The following MRPS7 variants were observed in gnomAD, a reference collection of about 807,000 sequenced individuals.
MRPS7 encodes the protein small ribosomal subunit protein uS7m.
In MRPS7, 13 loss-of-function variants were observed where a neutral mutation model predicts 26.2. That is an observed-to-expected ratio of 0.50 (90% CI 0.32 to 0.79). The LOEUF is 0.79. MRPS7 is among the 30% of genes least tolerant of loss of function. The pLI, the probability that MRPS7 is intolerant of heterozygous loss-of-function variation, is 0.03. For synonymous variants in MRPS7, 129 were observed against 113.3 expected (o/e 1.14, Z -0.88); for missense variants, 318 against 312.2 (o/e 1.02, Z -0.14).
intron 3 of MRPS7, 43 bp downstream of exon 3, chr17:75,262,910 A>ACC: frequency 6.3e-7 from 1 of 1,582,272 alleles, no homozygotes; most frequent in Non-Finnish European, 8.7e-7. Context: ...TTGCCCCCCT[A>ACC]CCCCGTAGCC....
At chr17:75,262,444 T>A in intron 1 of MRPS7, 53 bp from the exon 2 acceptor site, 1 of 1,583,378 alleles carries the variant, frequency 6.3e-7, no homozygotes, top group Non-Finnish European at 8.6e-7. Flanking sequence ...AAGTCAAACC[T>A]ACTCGCTTGT....
chr17:75,265,230 G>A (rs1043580271), intron 4 of MRPS7, among the ~76,000 whole-genome samples: 1 of 152,020 alleles, frequency 6.6e-6, no homozygotes, highest in African/African-American at 2.4e-5. Context: ...TAGAGACGAG[G>A]TTTCACCACA....
chr17:75,263,301 G>A (rs755765231), intron 3 of MRPS7, 39 bp from the exon 4 acceptor site: 7 of 1,612,050 alleles, frequency 4.3e-6, no homozygotes, highest in Non-Finnish European at 5.9e-6. Context: ...AACCCTTTAG[G>A]GAGCCTGGGG....
intron 1 of MRPS7, 118 bp downstream of exon 1, chr17:75,262,101 G>A: frequency 1.6e-6 from 2 of 1,240,180 alleles, no homozygotes; most frequent in Non-Finnish European, 2.3e-6. Context: ...CTGGATTCAA[G>A]CTTCTAAGTT....
At chr17:75,263,295 C>G (rs2077437652) in intron 3 of MRPS7, 45 bp from the exon 4 acceptor site, 1 of 1,610,972 alleles carries the variant, frequency 6.2e-7, no homozygotes, top group Non-Finnish European at 8.5e-7. Context: ...TGGGTAAACC[C>G]TTTAGGGAGC....
intron 4 of MRPS7, among the ~76,000 whole-genome samples, chr17:75,265,492 G>C (rs1404823332): frequency 1.3e-5 from 2 of 152,174 alleles, no homozygotes; most frequent in African/African-American, 4.8e-5. Flanking sequence ...TGCTTAATTA[G>C]TATTTGCTGA....
intron 4 of MRPS7, chr17:75,264,335 C>T (rs1255590538): frequency 1.3e-5 from 2 of 152,188 alleles, no homozygotes; most frequent in African/African-American, 2.4e-5. Context: ...CCTGTGTGTC[C>T]TAACCTGTAA....
Position 75,265,995 on chromosome 17 carries a change from T to C in MRPS7, c.*72T>C. ...AGCTACTGCCACGCTGAAAACTACCTGTGGGTTAAGGATGTAGTTCCTTTG... is the reference window on the plus strand; with the variant it reads ...AGCTACTGCCACGCTGAAAACTACCCGTGGGTTAAGGATGTAGTTCCTTTG... On this transcript the variant is annotated 3_prime_UTR_variant, in exon 5 of 5. Coordinates refer to ENST00000245539, the MANE Select transcript of MRPS7 (RefSeq NM_015971.4). 7.0e-7 allele frequency: 1 copy of C among 1,432,620 alleles called. No homozygotes were observed. Among genetic ancestry groups the C allele is most frequent in the Admixed American group, 1.8e-5 (1 of 55,080 alleles). 88.7% of individuals were successfully genotyped at this position (1,432,620 alleles called of 1,614,324 possible).
chr17:75,265,244 G>A (rs1479969911), intron 4 of MRPS7, among the ~76,000 whole-genome samples: 1 of 151,910 alleles, frequency 6.6e-6, no homozygotes, highest in African/African-American at 2.4e-5. Context: ...CACCACATTG[G>A]CCAGGCTGGT....
At chr17:75,265,290 A>G (rs1051987799) in intron 4 of MRPS7, among the ~76,000 whole-genome samples, 2 of 152,082 alleles carry the variant, frequency 1.3e-5, no homozygotes, top group African/African-American at 2.4e-5. Context: ...CACCTGCCTC[A>G]GCCTCCCAAA....
intron 4 of MRPS7, among the ~76,000 whole-genome samples, chr17:75,264,662 T>C (rs1160269518): frequency 6.9e-6 from 1 of 145,760 alleles, no homozygotes; most frequent in Non-Finnish European, 1.5e-5. Context: ...ATAGGGTCTT[T>C]TTGTTTTTAA....
chr17:75,263,770 A>G (rs1345820221), intron 4 of MRPS7: 1 of 392,488 alleles, frequency 2.5e-6, no homozygotes, highest in East Asian at 5.1e-5. Context: ...GCTCCCAACT[A>G]CTCAGGAGGC....
At chr17:75,265,318 G>A (rs558588782) in intron 4 of MRPS7, among the ~76,000 whole-genome samples, 3 of 152,172 alleles carry the variant, frequency 2.0e-5, no homozygotes, top group Admixed American at 6.5e-5. Context: ...AATTACAGGC[G>A]TGAACCATCG....
At position 75,265,856 on chromosome 17, in the gene MRPS7, AGAGGAAGCAT is replaced by A. The variant is rs764521589; in HGVS notation, c.665_674del (p.Arg222ThrfsTer52). On this transcript the variant is annotated frameshift_variant, in exon 5 of 5. Coordinates refer to ENST00000245539, the MANE Select transcript of MRPS7 (RefSeq NM_015971.4). LOFTEE classifies it high-confidence loss of function. ...TTCCATAACCAGGGCCCCGTGATCA[AGAGGAAGCAT>A]GACTTGCACAAGATGGCAGAGGCCA... The A allele has an allele frequency of 6.2e-7, 1 of 1,614,172 alleles. No homozygotes were observed. Among genetic ancestry groups the A allele is most frequent in the Non-Finnish European group, 8.5e-7 (1 of 1,180,044 alleles).
Position 75,263,072 on chromosome 17 carries a change from T to TA in MRPS7, c.339+214dup, listed in dbSNP as rs58271821. On this transcript the variant is annotated intron_variant, in intron 3 of 4. Transcript: ENST00000245539. Reference sequence around the variant, plus strand: ...GGTGTTTCGGAAGTAAACACACAATTAAAAAAAAAGGAACAAATAAAAAAT... The same window carrying TA: ...GGTGTTTCGGAAGTAAACACACAATTAAAAAAAAAAGGAACAAATAAAAAAT... 0.046 allele frequency: 28,527 copies of TA among 623,484 alleles called. 3,280 individuals are homozygous for TA. The highest frequency in any genetic ancestry group is 0.34 in the African/African-American group (18,115 of 52,566). 38.6% of individuals were successfully genotyped at this position (623,484 alleles called of 1,614,324 possible).
At chr17:75,262,282 C>T (rs750088269) in intron 1 of MRPS7, 8 of 656,668 alleles carry the variant, frequency 1.2e-5, no homozygotes, top group Non-Finnish European at 1.8e-5. Flanking sequence ...CCATCCTTAC[C>T]GTTAGCACTT....
rs972739779 is a variant in MRPS7 at position 75,266,141 on chromosome 17, T to C, written c.*218T>C. On this transcript the variant is annotated 3_prime_UTR_variant, in exon 5 of 5. Transcript: ENST00000245539. The stretch of plus-strand genomic sequence containing the variant: ...TATTTCCTTGTAAAGAGGGAGCACA[T>C]TGACTTGGGAATTTCCTCCAGGAAA... The C allele has an allele frequency of 1.7e-6, 1 of 575,472 alleles. No individual in the cohort carries two copies. Among genetic ancestry groups the C allele is most frequent in the African/African-American group, 1.9e-5 (1 of 53,404 alleles). 35.6% of individuals were successfully genotyped at this position (575,472 alleles called of 1,614,324 possible).
chr17:75,262,719 A>G, intron 2 of MRPS7, 31 bp downstream of exon 2: 1 of 1,613,902 alleles, frequency 6.2e-7, no homozygotes. Context: ...TGTTACATGG[A>G]CTGGGACTAT....
At chr17:75,263,241 G>A in intron 3 of MRPS7, 99 bp from the exon 4 acceptor site, 4 of 1,452,920 alleles carry the variant, frequency 2.8e-6, no homozygotes, top group East Asian at 2.3e-5. Flanking sequence ...CATTGCCAGC[G>A]CAGAACCAGA....
Sources: allele counts gnomAD v4.1 joint callset (sites outside exome capture counted in the v4.1 genomes callset), GRCh38; gene constraint gnomAD v4.1.1; transcripts MANE v1.5; gene names NCBI Gene and HGNC (gene_info 2026-07-23, HGNC 2026-07-21).